Variants in SPSB4 observed in about 807,000 individuals in gnomAD.
The protein encoded by SPSB4 is splA/ryanodine receptor domain and SOCS box containing 4, also known as SPRY domain-containing SOCS box protein 4.
In SPSB4, 21 loss-of-function variants were observed where a neutral mutation model predicts 20.9. The ratio of observed to expected loss-of-function variants is 1.01; its 90% confidence interval spans 0.71 to 1.45. SPSB4 has a LOEUF of 1.45. SPSB4 is among the 40% of genes most tolerant of loss of function. The pLI, the probability that SPSB4 is intolerant of heterozygous loss-of-function variation, is 0.00. For missense variants in SPSB4, 399 were observed against 399.2 expected, an observed-to-expected ratio of 1.00 and a Z score of 0.00; for synonymous variants, 207 against 183.8, an observed-to-expected ratio of 1.13 and a Z score of -1.02.
chr3:141,069,074 T>A (rs1483305189), intron 2 of SPSB4, among the ~76,000 whole-genome samples: 2 of 152,192 alleles, frequency 1.3e-5, no homozygotes, highest in Admixed American at 1.3e-4. Flanking sequence ...AGGCCAGATG[T>A]CATGGGATGC....
chr3:141,145,042 C>G (rs572667643), intron 2 of SPSB4, among the ~76,000 whole-genome samples: 69 of 152,220 alleles, frequency 4.5e-4, no homozygotes, highest in Admixed American at 3.2e-3. Context: ...GATTGGGTGA[C>G]TGGGAGGTGA....
intron 2 of SPSB4, among the ~76,000 whole-genome samples, chr3:141,127,185 G>A (rs1406082308): frequency 6.6e-6 from 1 of 152,256 alleles, no homozygotes; most frequent in Non-Finnish European, 1.5e-5. Context: ...CAGGGCTGGG[G>A]GGTGCAGCAG....
chr3:141,103,712 G>C (rs77399008), intron 2 of SPSB4, among the ~76,000 whole-genome samples: 2,203 of 152,250 alleles, frequency 0.014, 55 homozygotes, highest in African/African-American at 0.05. Flanking sequence ...GAGGGACACA[G>C]AACAGCCACA....
intron 2 of SPSB4, among the ~76,000 whole-genome samples, chr3:141,093,094 G>A (rs746590471): frequency 6.6e-6 from 1 of 152,076 alleles, no homozygotes; most frequent in African/African-American, 2.4e-5. Flanking sequence ...GGTGTCAGGA[G>A]CCCTATACCT....
chr3:141,109,801 T>C (rs918312995), intron 2 of SPSB4, among the ~76,000 whole-genome samples: 1 of 152,142 alleles, frequency 6.6e-6, no homozygotes, highest in Non-Finnish European at 1.5e-5. Flanking sequence ...GTATTTTATT[T>C]TGAGCCCCAA....
chr3:141,053,201 C>A (rs889837005), intron 1 of SPSB4, among the ~76,000 whole-genome samples: 4 of 150,468 alleles, frequency 2.7e-5, no homozygotes, highest in African/African-American at 9.8e-5. Flanking sequence ...TATCCTCCCA[C>A]CCCCTTTCTG....
chr3:141,111,392 AT>A (rs538654328), intron 2 of SPSB4, among the ~76,000 whole-genome samples: 262 of 132,184 alleles, frequency 2.0e-3, no homozygotes, highest in African/African-American at 7.6e-3. Context: ...GTAAGGGACA[AT>A]GGTCCTGTAG....
intron 1 of SPSB4, among the ~76,000 whole-genome samples, chr3:141,054,063 C>G (rs897296477): frequency 6.6e-6 from 1 of 152,260 alleles, no homozygotes; most frequent in Non-Finnish European, 1.5e-5. Context: ...TTACGTAGAA[C>G]TGTCCTTGGA....
intron 2 of SPSB4, among the ~76,000 whole-genome samples, chr3:141,129,978 G>C (rs1460035056): frequency 6.6e-6 from 1 of 152,234 alleles, no homozygotes; most frequent in Non-Finnish European, 1.5e-5. Flanking sequence ...GATGCTGCTT[G>C]TGTCCCAGCT....
chr3:141,133,847 T>C (rs923034504), intron 2 of SPSB4, among the ~76,000 whole-genome samples: 3 of 152,104 alleles, frequency 2.0e-5, no homozygotes, highest in African/African-American at 7.2e-5. Flanking sequence ...TTGATGGGAA[T>C]TGCATTGAAT....
rs150734125 is a variant in SPSB4, at chr3:141,079,724, T to C, written c.694+12926T>C. Among the ~76,000 whole-genome samples the C allele has an allele frequency of 6.1e-3, 935 of 152,336 alleles. 11 individuals carry two copies. The highest frequency in any genetic ancestry group is 0.021 in the African/African-American group (890 of 41,578). ...GCTTATGAAAATTCATAAATGCTTATGAAAATCCAGATATAGAACAAAGTT... is the reference window on the plus strand; with the variant it reads ...GCTTATGAAAATTCATAAATGCTTACGAAAATCCAGATATAGAACAAAGTT... On this transcript the variant is annotated intron_variant, in intron 2 of 2. Coordinates refer to ENST00000310546, the MANE Select transcript of SPSB4 (RefSeq NM_080862.3).
chr3:141,073,998 C>T (rs1052121156), intron 2 of SPSB4, among the ~76,000 whole-genome samples: 3 of 152,204 alleles, frequency 2.0e-5, no homozygotes, highest in Admixed American at 6.5e-5. Context: ...AGGAGGTTTT[C>T]ATATTAACAT....
intron 2 of SPSB4, 114 bp downstream of exon 2, chr3:141,066,912 G>A: frequency 9.0e-7 from 1 of 1,105,246 alleles, no homozygotes; most frequent in Non-Finnish European, 1.2e-6. Context: ...TGGAGGAATG[G>A]TCAGGACCTG....
At chr3:141,140,116 T>C (rs935198816) in intron 2 of SPSB4, among the ~76,000 whole-genome samples, 2 of 152,224 alleles carry the variant, frequency 1.3e-5, no homozygotes, top group African/African-American at 2.4e-5. Flanking sequence ...TTTCTTCCAG[T>C]TGATCGCGTC....
Position 141,147,276 on chromosome 3 carries a change from C to T in SPSB4, c.*7C>T, listed in dbSNP as rs1455089339. On this transcript the variant is annotated 3_prime_UTR_variant, in exon 3 of 3. Transcript: ENST00000310546. ...CTATCTGCAGTACCAGTGAGCCAAG[C>T]CTGATGGGCAGCACAGACACAGACA... is the stretch of plus-strand genomic sequence containing the variant. 1.9e-6 allele frequency: 3 copies of T among 1,614,042 alleles called. No homozygotes were observed. In the African/African-American group the frequency reaches 4.0e-5, roughly 22 times the overall value.
At chr3:141,070,785 T>C (rs901116288) in intron 2 of SPSB4, among the ~76,000 whole-genome samples, 1 of 152,198 alleles carries the variant, frequency 6.6e-6, no homozygotes, top group Non-Finnish European at 1.5e-5. Context: ...ACAGAGAGCT[T>C]GAGTAAGTTG....
chr3:141,083,276 G>T (rs765039446), intron 2 of SPSB4, among the ~76,000 whole-genome samples: 47 of 152,254 alleles, frequency 3.1e-4, no homozygotes, highest in Middle Eastern at 3.4e-3. Context: ...TGGCTTCCCC[G>T]GCTGGTTTGG....
intron 2 of SPSB4, among the ~76,000 whole-genome samples, chr3:141,075,349 C>T (rs915549163): frequency 6.6e-5 from 10 of 152,084 alleles, no homozygotes; most frequent in African/African-American, 1.7e-4. Context: ...TCCTGGCCGC[C>T]GCTCAGACCA....
At chr3:141,067,116 C>G (rs1231375580) in intron 2 of SPSB4, among the ~76,000 whole-genome samples, 2 of 152,242 alleles carry the variant, frequency 1.3e-5, no homozygotes, top group Non-Finnish European at 2.9e-5. Flanking sequence ...TGGCACCCAA[C>G]AGGGGCTTTG....
Sources: gnomAD v4.1 joint callset for allele counts (sites outside exome capture counted in the v4.1 genomes callset) on GRCh38, gnomAD v4.1.1 for gene constraint, MANE v1.5 for transcripts, NCBI Gene and HGNC (gene_info 2026-07-23, HGNC 2026-07-21) for gene names.